Variants in GALNTL6 observed in about 807,000 individuals in gnomAD.
GALNTL6 encodes the protein polypeptide N-acetylgalactosaminyltransferase like 6, also known as polypeptide N-acetylgalactosaminyltransferase-like 6.
Under a neutral mutation model 73.7 loss-of-function variants are expected in GALNTL6, and 46 were observed. The ratio of observed to expected loss-of-function variants is 0.62; its 90% confidence interval spans 0.49 to 0.80. GALNTL6 has a LOEUF of 0.80. GALNTL6 is among the 30% of genes least tolerant of loss of function. The pLI is 0.00. For synonymous variants in GALNTL6, 259 were observed against 263.7 expected (o/e 0.98, Z 0.17); for missense variants, 604 against 755.0 (o/e 0.80, Z 2.34).
intron 8 of GALNTL6, among the ~76,000 whole-genome samples, chr4:172,895,396 A>ATTT (rs1475691783): frequency 6.8e-6 from 1 of 146,382 alleles, no homozygotes; most frequent in African/African-American, 2.6e-5. Flanking sequence ...ATATATATAT[A>ATTT]TATATATTTT....
intron 2 of GALNTL6, among the ~76,000 whole-genome samples, chr4:172,222,528 G>C (rs1736713980): frequency 6.6e-6 from 1 of 151,080 alleles, no homozygotes. Flanking sequence ...TGAGGATTAA[G>C]GCATTCAGTT....
At chr4:171,986,669 G>T (rs2111088705) in intron 2 of GALNTL6, among the ~76,000 whole-genome samples, 1 of 152,198 alleles carries the variant, frequency 6.6e-6, no homozygotes, top group Non-Finnish European at 1.5e-5. Flanking sequence ...GATCTTGTGG[G>T]GTTGTTAGAA....
intron 2 of GALNTL6, among the ~76,000 whole-genome samples, chr4:171,907,313 A>C (rs552851290): frequency 2.6e-5 from 4 of 152,334 alleles, no homozygotes; most frequent in Non-Finnish European, 4.4e-5. Context: ...ATACAAAATC[A>C]ACGTACGAAA....
chr4:171,943,317 C>T (rs528649248), intron 2 of GALNTL6, among the ~76,000 whole-genome samples: 7 of 152,292 alleles, frequency 4.6e-5, no homozygotes, highest in Admixed American at 2.6e-4. Context: ...TCTCTCTCAT[C>T]GGTAGCCTTC....
chr4:172,228,200 C>T (rs1375060255), intron 2 of GALNTL6, among the ~76,000 whole-genome samples: 1 of 152,006 alleles, frequency 6.6e-6, no homozygotes, highest in African/African-American at 2.4e-5. Flanking sequence ...TTTCCATTTT[C>T]TTTTACTTTT....
intron 5 of GALNTL6, among the ~76,000 whole-genome samples, chr4:172,373,580 C>T (rs1475148904): frequency 2.6e-5 from 4 of 152,160 alleles, no homozygotes. Context: ...GGTCTTTTAG[C>T]CTGATTTGGA....
chr4:171,883,857 C>G (rs139592252), intron 2 of GALNTL6, among the ~76,000 whole-genome samples: 1,663 of 152,054 alleles, frequency 0.011, 35 homozygotes, highest in African/African-American at 0.038. Context: ...CCGTGTTGGT[C>G]AGGGTGGTCT....
intron 2 of GALNTL6, among the ~76,000 whole-genome samples, chr4:172,206,814 G>GTTTTTTTT (rs796625697): frequency 7.2e-4 from 42 of 57,996 alleles, no homozygotes; most frequent in African/African-American, 1.9e-3. Flanking sequence ...TGTTTTTTTT[G>GTTTTTTTT]TTTGTTTTTT....
intron 7 of GALNTL6, among the ~76,000 whole-genome samples, chr4:172,848,663 G>A (rs918946226): frequency 2.0e-5 from 3 of 152,222 alleles, no homozygotes; most frequent in African/African-American, 7.2e-5. Flanking sequence ...TAGCTGGAAA[G>A]GATGCCACTA....
At chr4:172,306,696 A>G (rs942603479) in intron 3 of GALNTL6, among the ~76,000 whole-genome samples, 1 of 152,144 alleles carries the variant, frequency 6.6e-6, no homozygotes, top group East Asian at 1.9e-4. Flanking sequence ...TCCCACTTAC[A>G]AGTGAGAACA....
intron 2 of GALNTL6, among the ~76,000 whole-genome samples, chr4:171,876,353 G>T (rs1005304195): frequency 3.9e-5 from 6 of 152,136 alleles, no homozygotes; most frequent in Admixed American, 2.6e-4. Flanking sequence ...GAGGCAAAAT[G>T]AAATACAGAA....
intron 2 of GALNTL6, among the ~76,000 whole-genome samples, chr4:171,999,435 A>G (rs150452482): frequency 6.6e-5 from 10 of 152,256 alleles, no homozygotes; most frequent in African/African-American, 1.9e-4. Flanking sequence ...AAGGGCTAAT[A>G]ATTGTATTAC....
intron 2 of GALNTL6, among the ~76,000 whole-genome samples, chr4:172,027,917 A>G (rs956464684): frequency 1.3e-5 from 2 of 152,154 alleles, no homozygotes; most frequent in Non-Finnish European, 1.5e-5. Context: ...GTATGGAGGT[A>G]GCAGAGATTG....
At chr4:172,565,433 T>C (rs1052016146) in intron 5 of GALNTL6, among the ~76,000 whole-genome samples, 2 of 152,214 alleles carry the variant, frequency 1.3e-5, no homozygotes, top group East Asian at 1.9e-4. Context: ...CAAACTCATG[T>C]CTCATTGATA....
intron 3 of GALNTL6, among the ~76,000 whole-genome samples, chr4:172,296,389 T>C (rs956139461): frequency 6.6e-6 from 1 of 152,148 alleles, no homozygotes; most frequent in Non-Finnish European, 1.5e-5. Context: ...ATACTTTAAG[T>C]TTTAGGGTAC....
At chr4:172,224,774 C>T (rs1245133106) in intron 2 of GALNTL6, among the ~76,000 whole-genome samples, 6 of 152,210 alleles carry the variant, frequency 3.9e-5, no homozygotes, top group South Asian at 2.1e-4. Flanking sequence ...GTGTCACATC[C>T]CTGACTCCAA....
At chr4:172,000,673 T>G (rs1402849588) in intron 2 of GALNTL6, among the ~76,000 whole-genome samples, 1 of 152,134 alleles carries the variant, frequency 6.6e-6, no homozygotes, top group Admixed American at 6.6e-5. Context: ...GGCTATGTTA[T>G]GGTAAGAAAA....
At chr4:172,001,690 T>C (rs1401983023) in intron 2 of GALNTL6, among the ~76,000 whole-genome samples, 3 of 152,154 alleles carry the variant, frequency 2.0e-5, no homozygotes, top group Non-Finnish European at 2.9e-5. Flanking sequence ...AAGTCCGCTC[T>C]ATGCAAGCAC....
chr4:172,044,082 G>C (rs1371976102), intron 2 of GALNTL6, among the ~76,000 whole-genome samples: 1 of 151,776 alleles, frequency 6.6e-6, no homozygotes, highest in Non-Finnish European at 1.5e-5. Context: ...AGATCTCTAG[G>C]ATCTTAACCA....
Sources: gnomAD v4.1 joint callset for allele counts (sites outside exome capture counted in the v4.1 genomes callset) on GRCh38, gnomAD v4.1.1 for gene constraint, MANE v1.5 for transcripts, NCBI Gene and HGNC (gene_info 2026-07-23, HGNC 2026-07-21) for gene names.